DST: variants seen among roughly 807,000 people sequenced by gnomAD.
DST encodes the protein dystonin, also known as bullous pemphigoid antigen.
In DST, 253 loss-of-function variants were observed where a neutral mutation model predicts 875.2. That is an observed-to-expected ratio of 0.29 (90% CI 0.26 to 0.32). The LOEUF (loss-of-function observed/expected upper bound fraction) is 0.32. Among genes scored for constraint, DST ranks in the 10% least tolerant of loss-of-function variants. DST has a pLI of 1.00. For synonymous variants in DST, 3,124 were observed against 3,197.1 expected, an observed-to-expected ratio of 0.98 and a Z score of 0.77; for missense variants, 8,287 against 9,111.6, an observed-to-expected ratio of 0.91 and a Z score of 3.68.
At chr6:56,610,792 T>C (rs1041074837) in intron 38 of DST, among the ~76,000 whole-genome samples, 3 of 152,190 alleles carry the variant, frequency 2.0e-5, no homozygotes, top group African/African-American at 7.2e-5. Context: ...AACTAATGTA[T>C]TGACCCTTAT....
intron 64 of DST, 41 bp downstream of exon 64, chr6:56,532,303 C>A (rs1205877032): frequency 6.3e-7 from 1 of 1,574,882 alleles, no homozygotes; most frequent in South Asian, 1.1e-5. Context: ...AGACAGAGGC[C>A]ACTGCTACTC....
chr6:56,486,999 G>A, intron 87 of DST, 105 bp downstream of exon 87: 2 of 1,090,780 alleles, frequency 1.8e-6, no homozygotes, highest in South Asian at 3.4e-5. Flanking sequence ...AGTTCCTCAG[G>A]CAAAGGAAAT....
rs368688770 is a variant in DST at position 56,704,988 on chromosome 6, A to G, written c.688-619T>C. Among the ~76,000 whole-genome samples the G allele has an allele frequency of 3.3e-5, 5 of 152,336 alleles. No homozygotes were observed. The South Asian group carries it at 8.3e-4, about 25-fold the overall frequency. Reference sequence around the variant, plus strand: ...TAACGGAAGATTTTCAAAACTAAATAACACTAGCACAAAATCAACACTCAA... The same window carrying G: ...TAACGGAAGATTTTCAAAACTAAATGACACTAGCACAAAATCAACACTCAA... On this transcript the variant is annotated intron_variant, in intron 5 of 103. Coordinates refer to ENST00000680361, the MANE Select transcript of DST (RefSeq NM_001374736.1).
chr6:56,945,265 C>CT (rs1356064390), intron 2 of DST, among the ~76,000 whole-genome samples: 3 of 152,202 alleles, frequency 2.0e-5, no homozygotes, highest in African/African-American at 7.2e-5. Context: ...TGCAGAGAGA[C>CT]TTGTCCAGAG....
intron 4 of DST, among the ~76,000 whole-genome samples, chr6:56,784,960 T>A (rs1048954738): frequency 6.6e-6 from 1 of 152,220 alleles, no homozygotes; most frequent in African/African-American, 2.4e-5. Flanking sequence ...GACCCTCAGC[T>A]GCAGGTCTGT....
intron 33 of DST, 59 bp downstream of exon 33, chr6:56,627,939 GA>G (rs1170521275): frequency 1.4e-6 from 2 of 1,463,442 alleles, no homozygotes; most frequent in Non-Finnish European, 1.9e-6. Context: ...AAAGGAAGAT[GA>G]GGAGCATGAC....
intron 3 of DST, among the ~76,000 whole-genome samples, chr6:56,857,762 A>G (rs1768730703): frequency 6.6e-6 from 1 of 152,244 alleles, no homozygotes; most frequent in South Asian, 2.1e-4. Context: ...GTATCAAAAT[A>G]TATGGTATGG....
Position 56,931,060 on chromosome 6 carries a change from T to G in DST, c.216+22725A>C, listed in dbSNP as rs1223549807. ...TCAGTCATTTATAGCCTGGCATAAA[T>G]TAGGTTGATGTGATAATCTCCTAAT... is the stretch of plus-strand genomic sequence containing the variant. On this transcript the variant is annotated intron_variant, in intron 2 of 103. Coordinates refer to ENST00000680361, the MANE Select transcript of DST (RefSeq NM_001374736.1). Among the ~76,000 whole-genome samples, 8 of 152,244 alleles carry G rather than the reference T, an allele frequency of 5.3e-5. No homozygotes were observed. In the East Asian group the frequency reaches 1.5e-3, roughly 29 times the overall value.
chr6:56,798,264 G>C (rs916622796), intron 4 of DST, among the ~76,000 whole-genome samples: 2 of 152,210 alleles, frequency 1.3e-5, no homozygotes, highest in African/African-American at 4.8e-5. Flanking sequence ...AGAAGGCAAA[G>C]CCTGGCTTTA....
intron 4 of DST, among the ~76,000 whole-genome samples, chr6:56,846,760 T>C (rs1296503286): frequency 6.6e-6 from 1 of 152,052 alleles, no homozygotes; most frequent in Non-Finnish European, 1.5e-5. Context: ...TACTAGTACT[T>C]TGGGAGGCCA....
At chr6:56,834,124 A>T (rs1362963180) in intron 4 of DST, among the ~76,000 whole-genome samples, 5 of 152,152 alleles carry the variant, frequency 3.3e-5, no homozygotes, top group African/African-American at 9.7e-5. Flanking sequence ...GATACTTGGG[A>T]GGCTGAGGCA....
chr6:56,926,847 A>G (rs1807408335), intron 2 of DST, among the ~76,000 whole-genome samples: 1 of 152,172 alleles, frequency 6.6e-6, no homozygotes, highest in Non-Finnish European at 1.5e-5. Flanking sequence ...GTACTTGAAG[A>G]ACTTAGAAGG....
intron 69 of DST, among the ~76,000 whole-genome samples, chr6:56,525,262 A>C (rs2096777098): frequency 6.6e-6 from 1 of 152,212 alleles, no homozygotes; most frequent in African/African-American, 2.4e-5. Context: ...CAATAGTTAA[A>C]TAAACTTCAC....
rs1189173809 is a variant in DST at position 56,594,209 on chromosome 6, T to C, written c.12196-16A>G. On this transcript the variant is annotated splice_polypyrimidine_tract_variant and intron_variant, in intron 47 of 103. Transcript: ENST00000680361. The stretch of plus-strand genomic sequence containing the variant: ...CGTGTTGGGCCTATGTGAAAACAAA[T>C]TGATCATAATCTTCAAGCAGTAACG... 1.3e-6 allele frequency: 2 copies of C among 1,504,976 alleles called. No individual in the cohort carries two copies. Among genetic ancestry groups the C allele is most frequent in the Admixed American group, 2.3e-5 (1 of 44,216 alleles). The allele number at this position is 1,504,976 out of a possible 1,614,324, so 93.2% of individuals were successfully genotyped here.
At chr6:56,580,754 G>A (rs1220814612) in intron 49 of DST, among the ~76,000 whole-genome samples, 2 of 145,670 alleles carry the variant, frequency 1.4e-5, no homozygotes, top group African/African-American at 5.1e-5. Context: ...GGTTGGGGGG[G>A]CAGCGTCTCA....
intron 100 of DST, chr6:56,464,311 C>A: frequency 3.6e-6 from 1 of 276,652 alleles, no homozygotes. Flanking sequence ...AATGAGGCAG[C>A]TAGTATTTTT....
chr6:56,593,459 G>C (rs1447574189), intron 48 of DST, among the ~76,000 whole-genome samples: 1 of 141,426 alleles, frequency 7.1e-6, no homozygotes, highest in Non-Finnish European at 1.5e-5. Flanking sequence ...AGAGGTTGCA[G>C]TGAGCCGAGA....
In DST at chr6:56,492,294, T is replaced by TC; in HGVS notation, c.20689dup (p.Glu6897GlyfsTer16). ...CTCTACCAACCGTTGAACCACTTTT[T>TC]CCCATCGACTTTGTACACTGATAAG... is the stretch of plus-strand genomic sequence containing the variant. On this transcript the variant is annotated frameshift_variant, in exon 85 of 104. Transcript: ENST00000680361. LOFTEE classifies it high-confidence loss of function. 1 of 1,613,916 alleles carries TC rather than the reference T, an allele frequency of 6.2e-7. No homozygotes were observed. Among genetic ancestry groups the TC allele is most frequent in the Non-Finnish European group, 8.5e-7 (1 of 1,179,828 alleles).
intron 4 of DST, among the ~76,000 whole-genome samples, chr6:56,750,058 T>C (rs767923164): frequency 2.0e-5 from 3 of 152,098 alleles, no homozygotes; most frequent in Admixed American, 6.5e-5. Context: ...GGAGTACAGA[T>C]GAGCAAAAGG....
Sources: allele counts gnomAD v4.1 joint callset (sites outside exome capture counted in the v4.1 genomes callset), GRCh38; gene constraint gnomAD v4.1.1; transcripts MANE v1.5; gene names NCBI Gene and HGNC (gene_info 2026-07-23, HGNC 2026-07-21).